SYN3: variants seen among roughly 807,000 people sequenced by gnomAD.
The protein encoded by SYN3 is synapsin III, also known as synapsin-3.
SYN3 carries 35 observed loss-of-function variants against 65.8 expected under a neutral mutation model. The ratio of observed to expected loss-of-function variants is 0.53; its 90% CI spans 0.41 to 0.70. The LOEUF is 0.70. Among genes scored for constraint, SYN3 ranks in the 30% least tolerant of loss-of-function variants. The probability of loss-of-function intolerance (pLI) is 0.00; values close to 1 mark genes in which losing one functional copy is unlikely to be tolerated. For missense variants in SYN3, 680 were observed against 749.0 expected (o/e 0.91, Z 1.08); for synonymous variants, 270 against 292.9 (o/e 0.92, Z 0.80).
At chr22:33,054,660 A>T (rs1341043138) in intron 1 of SYN3, among the ~76,000 whole-genome samples, 1 of 152,218 alleles carries the variant, frequency 6.6e-6, no homozygotes, top group Admixed American at 6.5e-5. Context: ...GGAATCATAC[A>T]CTATGTAACC....
chr22:32,766,138 T>G (rs992792922), intron 6 of SYN3, among the ~76,000 whole-genome samples: 3 of 152,036 alleles, frequency 2.0e-5, no homozygotes, highest in African/African-American at 7.3e-5. Flanking sequence ...CTGCCCGACA[T>G]GGGGAGAAAG....
At chr22:33,045,546 C>T (rs1016837043) in intron 1 of SYN3, among the ~76,000 whole-genome samples, 2 of 141,304 alleles carry the variant, frequency 1.4e-5, no homozygotes, top group Admixed American at 7.7e-5. Context: ...CAGCTCACTG[C>T]AAGCTCTGCC....
intron 6 of SYN3, among the ~76,000 whole-genome samples, chr22:32,759,835 C>T (rs1602078369): frequency 1.0e-5 from 1 of 99,770 alleles, no homozygotes; most frequent in African/African-American, 3.7e-5. Flanking sequence ...CATCAGCCAG[C>T]ACCCACCCAC....
chr22:32,604,961 G>A (rs1354196382), intron 6 of SYN3, among the ~76,000 whole-genome samples: 1 of 148,040 alleles, frequency 6.8e-6, no homozygotes, highest in South Asian at 2.1e-4. Flanking sequence ...AGCCGAGATG[G>A]CGCCACTGCA....
chr22:32,796,359 C>T (rs2046428077), intron 6 of SYN3, among the ~76,000 whole-genome samples: 2 of 152,132 alleles, frequency 1.3e-5, no homozygotes, highest in African/African-American at 4.8e-5. Context: ...GAGTAGATCC[C>T]TGTGGAAAGA....
At chr22:33,045,373 T>C (rs2145951017) in intron 1 of SYN3, among the ~76,000 whole-genome samples, 1 of 151,604 alleles carries the variant, frequency 6.6e-6, no homozygotes, top group South Asian at 2.1e-4. Flanking sequence ...ATTTAAATTC[T>C]CAACATCTCC....
intron 10 of SYN3, 113 bp downstream of exon 10, chr22:32,533,680 T>A (rs1158153475): frequency 1.5e-6 from 1 of 688,382 alleles, no homozygotes; most frequent in Admixed American, 2.3e-5. Flanking sequence ...GGGTTGCGTG[T>A]GCCCTGGAGC....
chr22:32,976,454 C>T (rs2052190586), intron 3 of SYN3, among the ~76,000 whole-genome samples: 1 of 152,182 alleles, frequency 6.6e-6, no homozygotes, highest in African/African-American at 2.4e-5. Flanking sequence ...CCTAGCAAGT[C>T]CTAGTCCACT....
At chr22:32,613,763 C>G (rs1486064631) in intron 6 of SYN3, among the ~76,000 whole-genome samples, 3 of 152,132 alleles carry the variant, frequency 2.0e-5, no homozygotes, top group Non-Finnish European at 1.5e-5. Context: ...ATCAAAAACT[C>G]CCCTGTATCA....
intron 4 of SYN3, among the ~76,000 whole-genome samples, chr22:32,929,850 G>A (rs944371388): frequency 6.6e-6 from 1 of 152,216 alleles, no homozygotes; most frequent in South Asian, 2.1e-4. Context: ...CTGATCTAGT[G>A]AATACTCTCA....
At chr22:32,628,525 A>C (rs1197290321) in intron 6 of SYN3, among the ~76,000 whole-genome samples, 1 of 152,140 alleles carries the variant, frequency 6.6e-6, no homozygotes, top group Non-Finnish European at 1.5e-5. Flanking sequence ...AGAGATTGGA[A>C]GAAGAGCTCT....
intron 9 of SYN3, among the ~76,000 whole-genome samples, chr22:32,537,045 G>A (rs535848011): frequency 6.6e-6 from 1 of 152,306 alleles, no homozygotes; most frequent in East Asian, 1.9e-4. Flanking sequence ...TGAGTTCACA[G>A]CCCATGCTCT....
In SYN3 at chr22:32,581,449, G is replaced by A. The variant is rs1040642994; in HGVS notation, c.774+15225C>T. Among the ~76,000 whole-genome samples the A allele has an allele frequency of 2.6e-5, 4 of 152,180 alleles. No individual in the cohort carries two copies. The South Asian group carries it at 6.2e-4, about 24-fold the overall frequency. On this transcript the variant is annotated intron_variant, in intron 7 of 13. Coordinates refer to ENST00000358763, the MANE Select transcript of SYN3 (RefSeq NM_003490.4). ...TTTACAGGTGAGAAAAACAAAGATC[G>A]CACGTCAAGTGCTCGCCCAAGGTTA... is the stretch of plus-strand genomic sequence containing the variant.
chr22:32,927,276 T>C (rs892538299), intron 4 of SYN3, among the ~76,000 whole-genome samples: 21 of 149,856 alleles, frequency 1.4e-4, no homozygotes, highest in Middle Eastern at 3.4e-3. Flanking sequence ...TTTTTTTTTT[T>C]TTTTTGAGAC....
At chr22:32,991,029 A>C (rs910629443) in intron 2 of SYN3, among the ~76,000 whole-genome samples, 47 of 152,134 alleles carry the variant, frequency 3.1e-4, no homozygotes, top group Middle Eastern at 3.2e-3. Flanking sequence ...CCTAAAAAAA[A>C]CACAAAAAAT....
At chr22:32,794,612 C>T (rs1056398924) in intron 6 of SYN3, among the ~76,000 whole-genome samples, 5 of 152,136 alleles carry the variant, frequency 3.3e-5, no homozygotes, top group Admixed American at 6.5e-5. Flanking sequence ...GTCACAGAAG[C>T]ACCTGGATTT....
chr22:32,630,832 T>A lies in SYN3; in HGVS notation c.712-34096A>T, dbSNP rs912631196. Among the ~76,000 whole-genome samples the A allele has an allele frequency of 3.9e-5, 6 of 152,330 alleles. No individual in the cohort carries two copies. In the East Asian group the frequency reaches 1.2e-3, roughly 29 times the overall value. ...CTGGCCCCTTCACAGGCTACAGGTG[T>A]GTTCCCTACTGTTCTATGAGAAGCC... On this transcript the variant is annotated intron_variant, in intron 6 of 13. Transcript: ENST00000358763.
At position 32,667,886 on chromosome 22, in the gene SYN3, C is replaced by T. The variant is rs1018436933; in HGVS notation, c.712-71150G>A. 7.9e-5 allele frequency among the ~76,000 whole-genome samples: 12 copies of T among 151,986 alleles called. No individual in the cohort carries two copies. In the South Asian group the frequency reaches 8.3e-4, roughly 11 times the overall value. Reference sequence around the variant, plus strand: ...CATCTCTGCCCACTGCAAGTCCGCCCGGGTTCATGCCATTCTCTTGCCTCA... The same window carrying T: ...CATCTCTGCCCACTGCAAGTCCGCCTGGGTTCATGCCATTCTCTTGCCTCA... On this transcript the variant is annotated intron_variant, in intron 6 of 13. Transcript: ENST00000358763.
chr22:32,770,435 C>A (rs928378981), intron 6 of SYN3, among the ~76,000 whole-genome samples: 3 of 152,112 alleles, frequency 2.0e-5, no homozygotes, highest in African/African-American at 7.2e-5. Context: ...CTTCCCTATC[C>A]CCATAACATC....
Sources: gnomAD v4.1 joint callset for allele counts (sites outside exome capture counted in the v4.1 genomes callset) on GRCh38, gnomAD v4.1.1 for gene constraint, MANE v1.5 for transcripts, NCBI Gene and HGNC (gene_info 2026-07-23, HGNC 2026-07-21) for gene names.